Variants in PARD3 observed in about 807,000 individuals in gnomAD.
The protein encoded by PARD3 is par-3 family cell polarity regulator, also known as partitioning defective 3 homolog.
Under a neutral mutation model 155.4 loss-of-function variants are expected in PARD3, and 75 were observed. That is an observed-to-expected ratio of 0.48 (90% CI 0.40 to 0.58). The LOEUF (loss-of-function observed/expected upper bound fraction) is 0.58. PARD3 is among the 20% of genes least tolerant of loss of function. The probability of loss-of-function intolerance (pLI) is 0.00; values close to 1 mark genes in which losing one functional copy is unlikely to be tolerated. For missense variants in PARD3, 1,642 were observed against 1,721.7 expected (o/e 0.95, Z 0.82); for synonymous variants, 576 against 610.5 (o/e 0.94, Z 0.83).
chr10:34,581,229 C>CTTTT (rs1564376327), intron 2 of PARD3, among the ~76,000 whole-genome samples: 3 of 95,144 alleles, frequency 3.2e-5, no homozygotes, highest in Admixed American at 1.0e-4. Context: ...TTTTCTTTTT[C>CTTTT]TTTTCTTTTT....
intron 3 of PARD3, among the ~76,000 whole-genome samples, chr10:34,471,938 G>A (rs2078376781): frequency 6.6e-6 from 1 of 152,108 alleles, no homozygotes; most frequent in African/African-American, 2.4e-5. Flanking sequence ...TGGTGCACTG[G>A]TCAATGGTAA....
At chr10:34,336,470 T>C (rs1399481934) in intron 17 of PARD3, 1 of 474,998 alleles carries the variant, frequency 2.1e-6, no homozygotes, top group Non-Finnish European at 3.7e-6. Context: ...TGTTATATGT[T>C]AGCATATCAT....
intron 2 of PARD3, among the ~76,000 whole-genome samples, chr10:34,653,971 A>G (rs540388209): frequency 5.1e-4 from 78 of 152,304 alleles, no homozygotes; most frequent in Middle Eastern, 3.4e-3. Flanking sequence ...GTACACAGAC[A>G]TGCACACCAA....
chr10:34,697,406 T>G (rs1232320597), intron 1 of PARD3, among the ~76,000 whole-genome samples: 1 of 152,200 alleles, frequency 6.6e-6, no homozygotes, highest in African/African-American at 2.4e-5. Flanking sequence ...AGAAGGAGGC[T>G]AATGATTAAT....
chr10:34,575,097 A>G (rs1189543299), intron 2 of PARD3, among the ~76,000 whole-genome samples: 1 of 152,128 alleles, frequency 6.6e-6, no homozygotes, highest in Non-Finnish European at 1.5e-5. Context: ...CTCCTGCCTC[A>G]ACCTCCCAAA....
intron 7 of PARD3, among the ~76,000 whole-genome samples, chr10:34,388,100 G>T (rs1348556287): frequency 6.6e-6 from 1 of 152,286 alleles, no homozygotes; most frequent in East Asian, 1.9e-4. Context: ...GGGAGATAGA[G>T]GGTGGAAGAA....
chr10:34,669,151 C>A (rs957583775), intron 2 of PARD3, among the ~76,000 whole-genome samples: 1 of 152,126 alleles, frequency 6.6e-6, no homozygotes, highest in Non-Finnish European at 1.5e-5. Context: ...CAAAAAGATA[C>A]CTGCACTCAT....
chr10:34,236,965 T>A (rs1235306392), intron 22 of PARD3, among the ~76,000 whole-genome samples: 1 of 152,126 alleles, frequency 6.6e-6, no homozygotes, highest in East Asian at 1.9e-4. Flanking sequence ...TAAAATTAGA[T>A]CCTCTACAAA....
chr10:34,799,838 AAC>A (rs1350058818), intron 1 of PARD3, among the ~76,000 whole-genome samples: 7 of 151,722 alleles, frequency 4.6e-5, no homozygotes, highest in African/African-American at 1.7e-4. Flanking sequence ...AAAAAAAAAA[AAC>A]AAGTTAGCCA....
intron 2 of PARD3, among the ~76,000 whole-genome samples, chr10:34,659,382 T>G (rs144738558): frequency 1.3e-5 from 2 of 152,230 alleles, no homozygotes; most frequent in African/African-American, 4.8e-5. Flanking sequence ...TGAACTCCTA[T>G]GTATCACTCA....
chr10:34,620,103 A>T (rs1387665999), intron 2 of PARD3, among the ~76,000 whole-genome samples: 1 of 152,160 alleles, frequency 6.6e-6, no homozygotes, highest in Non-Finnish European at 1.5e-5. Context: ...TTGTTCAAAT[A>T]ATCACCCATG....
chr10:34,355,752 C>A (rs1316426751), intron 14 of PARD3, among the ~76,000 whole-genome samples: 2 of 151,714 alleles, frequency 1.3e-5, no homozygotes. Flanking sequence ...CATGGTGAAA[C>A]CCCATCTCTA....
At chr10:34,432,119 A>G (rs1173622818) in intron 5 of PARD3, among the ~76,000 whole-genome samples, 1 of 150,260 alleles carries the variant, frequency 6.7e-6, no homozygotes, top group Non-Finnish European at 1.5e-5. Context: ...GATTTAACTT[A>G]AATCAAAATA....
chr10:34,324,026 T>C (rs1449119870), intron 19 of PARD3, among the ~76,000 whole-genome samples: 1 of 152,236 alleles, frequency 6.6e-6, no homozygotes, highest in African/African-American at 2.4e-5. Context: ...GAGAATTTTA[T>C]TTTAATCAAG....
chr10:34,409,885 A>T (rs1589465157), intron 5 of PARD3, among the ~76,000 whole-genome samples: 1 of 152,240 alleles, frequency 6.6e-6, no homozygotes, highest in East Asian at 1.9e-4. Flanking sequence ...TAAACATGTT[A>T]TATTTGATAT....
chr10:34,760,910 G>A (rs1341085569), intron 1 of PARD3, among the ~76,000 whole-genome samples: 1 of 152,118 alleles, frequency 6.6e-6, no homozygotes, highest in African/African-American at 2.4e-5. Flanking sequence ...GAAACTATGA[G>A]TCAGTAAATG....
chr10:34,787,337 C>G (rs1418217189), intron 1 of PARD3, among the ~76,000 whole-genome samples: 1 of 152,208 alleles, frequency 6.6e-6, no homozygotes, highest in Non-Finnish European at 1.5e-5. Flanking sequence ...CAAGATCGCG[C>G]CACTGCACTC....
chr10:34,384,890 G>A (rs1022533106), intron 7 of PARD3, among the ~76,000 whole-genome samples: 4 of 152,136 alleles, frequency 2.6e-5, no homozygotes, highest in Non-Finnish European at 5.9e-5. Flanking sequence ...ACAGAAAAAC[G>A]TCAGTGAGAG....
At chr10:34,536,939 T>A (rs879887508) in intron 2 of PARD3, among the ~76,000 whole-genome samples, 2 of 152,186 alleles carry the variant, frequency 1.3e-5, no homozygotes, top group Non-Finnish European at 2.9e-5. Flanking sequence ...AAAGAAAAAT[T>A]AGGGCTTCAG....
Sources: gnomAD v4.1 joint callset for allele counts (sites outside exome capture counted in the v4.1 genomes callset) on GRCh38, gnomAD v4.1.1 for gene constraint, MANE v1.5 for transcripts, NCBI Gene and HGNC (gene_info 2026-07-23, HGNC 2026-07-21) for gene names.